Variants in FRMD5 observed in about 807,000 individuals in gnomAD.
FRMD5 encodes the protein FERM domain-containing protein 5.
A neutral mutation model predicts 69.0 loss-of-function variants in FRMD5; 20 were observed. The ratio of observed to expected loss-of-function variants is 0.29; its 90% CI spans 0.20 to 0.42. The LOEUF (loss-of-function observed/expected upper bound fraction) is 0.42. FRMD5 is among the 10% of genes least tolerant of loss of function. The pLI, the probability that FRMD5 is intolerant of heterozygous loss-of-function variation, is 1.00. For missense variants in FRMD5, 595 were observed against 708.6 expected (o/e 0.84, Z 1.82); for synonymous variants, 271 against 260.1 (o/e 1.04, Z -0.40).
chr15:44,087,790 CA>C (rs1894266864), intron 1 of FRMD5, among the ~76,000 whole-genome samples: 1 of 145,744 alleles, frequency 6.9e-6, no homozygotes, highest in Non-Finnish European at 1.5e-5. Flanking sequence ...ATCATCATCC[CA>C]GGCATTGAAG....
At chr15:44,057,839 G>T (rs758135799) in intron 1 of FRMD5, among the ~76,000 whole-genome samples, 2 of 152,192 alleles carry the variant, frequency 1.3e-5, no homozygotes, top group African/African-American at 2.4e-5. Flanking sequence ...CTTCATGACT[G>T]CTGGGTCCCT....
At chr15:43,923,050 A>G (rs2089523981) in intron 2 of FRMD5, among the ~76,000 whole-genome samples, 1 of 152,206 alleles carries the variant, frequency 6.6e-6, no homozygotes, top group Non-Finnish European at 1.5e-5. Flanking sequence ...GGGATGCCAG[A>G]GAGTACATCT....
intron 1 of FRMD5, among the ~76,000 whole-genome samples, chr15:43,994,336 A>G (rs1030343428): frequency 1.3e-5 from 2 of 152,190 alleles, no homozygotes; most frequent in African/African-American, 4.8e-5. Flanking sequence ...TTGAATGCGT[A>G]AAAAAACTCA....
chr15:44,064,762 C>A (rs1437367509), intron 1 of FRMD5, among the ~76,000 whole-genome samples: 1 of 152,118 alleles, frequency 6.6e-6, no homozygotes, highest in Non-Finnish European at 1.5e-5. Flanking sequence ...TTTTGGGTAA[C>A]CAAATAACAA....
At position 43,874,335 on chromosome 15, in the gene FRMD5, G is replaced by A. The variant is rs774020495; in HGVS notation, c.1263C>T (p.Asp421=). ...CGCTGTCTGCAGGGCTGTAGGCCTC[G>A]TCTGCAATCACAGCTACTCGCTCAT... The part of the protein sequence containing the change: ...DSNERVAVIA[D]EAYSPADSVL... Residue 421 remains aspartate (D), a synonymous_variant, in exon 14 of 14, where the codon GAC becomes GAT. Transcript: ENST00000417257. 2.2e-5 allele frequency: 36 copies of A among 1,614,090 alleles called. No homozygotes were observed. The African/African-American group carries it at 3.1e-4, about 14-fold the overall frequency.
intron 1 of FRMD5, among the ~76,000 whole-genome samples, chr15:43,968,826 T>C (rs2090333555): frequency 6.6e-6 from 1 of 152,254 alleles, no homozygotes; most frequent in South Asian, 2.1e-4. Context: ...AATCATTTAT[T>C]CTCACATTGC....
intron 1 of FRMD5, among the ~76,000 whole-genome samples, chr15:44,037,939 C>A (rs1891996541): frequency 6.6e-6 from 1 of 152,200 alleles, no homozygotes; most frequent in Non-Finnish European, 1.5e-5. Context: ...ATTCCTATTT[C>A]TCCACATCTT....
At position 43,874,000 on chromosome 15, in the gene FRMD5, C is replaced by T. The variant is rs548650879; in HGVS notation, c.1598G>A (p.Arg533His). 97 of 1,614,072 alleles carry T rather than the reference C, an allele frequency of 6.0e-5. No homozygotes were observed. The highest frequency in any genetic ancestry group is 1.6e-4 in the Middle Eastern group (1 of 6,062). ...TESDLDIAFF[R>H]DIRQTPEFEQ... ...AAACTCGGGGGTCTGGCGGATATCA[C>T]GGAAAAAGGCAATGTCAAGGTCAGA... Residue 533 changes from arginine (R) to histidine (H), a missense_variant, in exon 14 of 14, where the codon CGT becomes CAT. By Grantham distance (29) the Arg-to-His change is conservative. This residue lies in a region of FRMD5 where 245 missense variants were observed against 227.1 expected (regional missense o/e 1.08). Transcript: ENST00000417257.
At chr15:44,047,744 G>A (rs1321575266) in intron 1 of FRMD5, among the ~76,000 whole-genome samples, 3 of 151,984 alleles carry the variant, frequency 2.0e-5, no homozygotes, top group African/African-American at 2.4e-5. Flanking sequence ...CCCTACCAAC[G>A]CCTGGCAACT....
At chr15:43,992,369 G>A (rs1425960824) in intron 1 of FRMD5, among the ~76,000 whole-genome samples, 1 of 150,776 alleles carries the variant, frequency 6.6e-6, no homozygotes, top group African/African-American at 2.4e-5. Context: ...GCAAGGGACT[G>A]GAGTTTTATA....
intron 1 of FRMD5, among the ~76,000 whole-genome samples, chr15:43,938,757 G>T (rs1274719870): frequency 6.6e-6 from 1 of 152,156 alleles, no homozygotes; most frequent in Non-Finnish European, 1.5e-5. Flanking sequence ...CAGTAACTTA[G>T]CCAACAATAT....
chr15:44,100,220 AAT>A (rs1566945841), intron 1 of FRMD5, among the ~76,000 whole-genome samples: 10 of 140,884 alleles, frequency 7.1e-5, no homozygotes, highest in Admixed American at 1.4e-4. Context: ...CACCCGGCTA[AAT>A]TTTTTTTTTT....
chr15:44,063,379 T>G (rs140613515), intron 1 of FRMD5: 4 of 168,020 alleles, frequency 2.4e-5, no homozygotes, highest in Non-Finnish European at 5.1e-5. Context: ...TGTATTTTAA[T>G]ATAAAACAGT....
At chr15:44,022,198 A>G (rs1345133149) in intron 1 of FRMD5, among the ~76,000 whole-genome samples, 2 of 152,168 alleles carry the variant, frequency 1.3e-5, no homozygotes, top group African/African-American at 2.4e-5. Context: ...TGATGGCTTC[A>G]TGACCATGTG....
chr15:44,111,299 T>C (rs1284193537), intron 1 of FRMD5, among the ~76,000 whole-genome samples: 1 of 152,206 alleles, frequency 6.6e-6, no homozygotes, highest in Admixed American at 6.5e-5. Flanking sequence ...TACTCACTCA[T>C]ATATTTCACT....
At chr15:44,058,794 A>AT (rs1319908527) in intron 1 of FRMD5, among the ~76,000 whole-genome samples, 1 of 151,636 alleles carries the variant, frequency 6.6e-6, no homozygotes, top group African/African-American at 2.4e-5. Context: ...TCAAAAAAAA[A>AT]AAAAAAAGAA....
chr15:43,974,447 A>G (rs144690655), intron 1 of FRMD5, among the ~76,000 whole-genome samples: 30 of 152,282 alleles, frequency 2.0e-4, no homozygotes, highest in African/African-American at 6.7e-4. Flanking sequence ...ACAAGTTTCT[A>G]TAGGTTAAGG....
intron 1 of FRMD5, among the ~76,000 whole-genome samples, chr15:44,140,470 T>C (rs1340781956): frequency 6.6e-6 from 1 of 152,110 alleles, no homozygotes; most frequent in East Asian, 1.9e-4. Flanking sequence ...CTAAACAACA[T>C]TGTTTTGGAG....
At chr15:44,112,469 ATT>A (rs748146315) in intron 1 of FRMD5, among the ~76,000 whole-genome samples, 16 of 140,834 alleles carry the variant, frequency 1.1e-4, no homozygotes, top group Admixed American at 1.4e-4. Flanking sequence ...ACCTTCACTG[ATT>A]TTTTTTTTTT....
Sources: gnomAD v4.1 joint callset for allele counts (sites outside exome capture counted in the v4.1 genomes callset) on GRCh38, gnomAD v4.1.1 for gene constraint, gnomAD v4.1.1 regional missense constraint, MANE v1.5 for transcripts, NCBI Gene and HGNC (gene_info 2026-07-23, HGNC 2026-07-21) for gene names.